SCLT1: variants seen among roughly 807,000 people sequenced by gnomAD.
SCLT1 encodes sodium channel and clathrin linker 1.
Under a neutral mutation model 112.8 loss-of-function variants are expected in SCLT1, and 78 were observed. That is an observed-to-expected ratio of 0.69 (90% confidence interval 0.58 to 0.83). The LOEUF (loss-of-function observed/expected upper bound fraction) is 0.83, where lower values mean the gene tolerates loss of function less well. Among genes scored for constraint, SCLT1 ranks in the 40% least tolerant of loss-of-function variants. SCLT1 has a pLI of 0.00. For synonymous variants in SCLT1, 257 were observed against 254.7 expected (o/e 1.01, Z -0.09); for missense variants, 747 against 770.4 (o/e 0.97, Z 0.36).
At chr4:128,959,406 A>C (rs1195752031) in intron 12 of SCLT1, among the ~76,000 whole-genome samples, 194 bp downstream of exon 12, 2 of 152,118 alleles carry the variant, frequency 1.3e-5, no homozygotes, top group Non-Finnish European at 2.9e-5. Context: ...ACATTATTTT[A>C]GAAAAGAATT....
At chr4:128,876,314 C>T (rs1400547943) in intron 4 of SCLT1, among the ~76,000 whole-genome samples, 1 of 152,084 alleles carries the variant, frequency 6.6e-6, no homozygotes, top group Non-Finnish European at 1.5e-5. Flanking sequence ...GAGTAAGACC[C>T]CTGAGAGAAA....
rs917745843 is a variant in SCLT1 at position 128,934,296 on chromosome 4, C to G, written c.1829+2359G>C. ...TTATATACATACATGTATATAAACA[C>G]ACACAGGCACATGCACTCCTCACTC... is the stretch of plus-strand genomic sequence containing the variant. On this transcript the variant is annotated intron_variant, in intron 18 of 20. Transcript: ENST00000281142. 1.3e-5 allele frequency among the ~76,000 whole-genome samples: 2 copies of G among 151,660 alleles called. 1 individual carries two copies. The highest frequency in any genetic ancestry group is 3.0e-5 in the Non-Finnish European group (2 of 67,778).
At chr4:128,908,394 AG>A (rs67648966) in intron 18 of SCLT1, among the ~76,000 whole-genome samples, 2,360 of 149,828 alleles carry the variant, frequency 0.016, 56 homozygotes, top group African/African-American at 0.049. Context: ...AAAAAAAAAA[AG>A]AAAGAAAAAA....
chr4:128,921,908 T>C (rs1171265356), intron 18 of SCLT1, among the ~76,000 whole-genome samples: 1 of 151,868 alleles, frequency 6.6e-6, no homozygotes, highest in Non-Finnish European at 1.5e-5. Context: ...GCTATAAAAG[T>C]CTAATATCCA....
chr4:128,989,740 T>G (rs1254809089), intron 9 of SCLT1, among the ~76,000 whole-genome samples: 2 of 150,140 alleles, frequency 1.3e-5, no homozygotes, highest in South Asian at 2.1e-4. Context: ...TACAGAAGAC[T>G]CAGGTAAATA....
chr4:128,913,420 TG>T (rs1452405839), intron 18 of SCLT1, among the ~76,000 whole-genome samples: 1 of 152,122 alleles, frequency 6.6e-6, no homozygotes, highest in Non-Finnish European at 1.5e-5. Context: ...AAAGGGATGA[TG>T]GGGGAGGAGT....
At chr4:129,048,210 G>A (rs537336760) in intron 2 of SCLT1, among the ~76,000 whole-genome samples, 23 of 152,142 alleles carry the variant, frequency 1.5e-4, no homozygotes, top group Middle Eastern at 3.4e-3. Flanking sequence ...GAGGCATCAC[G>A]CTACCTGACT....
chr4:129,026,001 T>A (rs1429568147), intron 5 of SCLT1, among the ~76,000 whole-genome samples: 1 of 152,168 alleles, frequency 6.6e-6, no homozygotes, highest in African/African-American at 2.4e-5. Flanking sequence ...AAGAGCTAAC[T>A]ATCCTAAATA....
chr4:128,908,937 A>T (rs764014500), intron 18 of SCLT1, among the ~76,000 whole-genome samples: 29 of 152,176 alleles, frequency 1.9e-4, no homozygotes, highest in Middle Eastern at 3.2e-3. Flanking sequence ...TGTTTTGTTT[A>T]GTCCCTAAGA....
At chr4:129,013,569 G>T (rs1023534157) in intron 5 of SCLT1, among the ~76,000 whole-genome samples, 1 of 152,100 alleles carries the variant, frequency 6.6e-6, no homozygotes, top group Non-Finnish European at 1.5e-5. Context: ...CGCTTATGAA[G>T]TTTGGTTTGG....
intron 9 of SCLT1, among the ~76,000 whole-genome samples, chr4:128,979,881 G>A (rs1741497466): frequency 6.6e-6 from 1 of 152,116 alleles, no homozygotes. Context: ...CTGTGGCTAA[G>A]GTTCCACTCT....
chr4:129,052,173 G>A (rs1748861800), intron 2 of SCLT1, among the ~76,000 whole-genome samples: 1 of 152,140 alleles, frequency 6.6e-6, no homozygotes, highest in Admixed American at 6.5e-5. Flanking sequence ...AGGGATAATG[G>A]ACTGAAATTT....
intron 5 of SCLT1, among the ~76,000 whole-genome samples, chr4:129,006,506 C>T (rs1230653711): frequency 1.3e-5 from 2 of 148,634 alleles, no homozygotes; most frequent in Non-Finnish European, 3.0e-5. Context: ...CCACTGTACT[C>T]CAGCCTGGGC....
intron 2 of SCLT1, among the ~76,000 whole-genome samples, chr4:129,074,092 ATT>A (rs576324024): frequency 7.4e-4 from 113 of 152,228 alleles, no homozygotes; most frequent in African/African-American, 2.6e-3. Context: ...TAATACACAC[ATT>A]TGTTTTTAAT....
rs1316662813 is a variant in SCLT1 at position 129,044,185 on chromosome 4, AAAT to A, written c.103-137_103-135del. 17 of 515,258 alleles carry A rather than the reference AAAT, an allele frequency of 3.3e-5. No individual in the cohort carries two copies. The East Asian group carries it at 3.9e-4, about 12-fold the overall frequency. The allele number at this position is 515,258 out of a possible 1,614,324, so 31.9% of individuals were successfully genotyped here. A position where few individuals can be genotyped will look rare whatever the true frequency, so the allele number is the denominator to read the frequency against. ...TTATGTAATTCAAAATGAGAGAAAA[AAAT>A]AATAATCTCAATTTATACTGAAATG... On this transcript the variant is annotated intron_variant, in intron 2 of 20. Coordinates refer to ENST00000281142, the MANE Select transcript of SCLT1 (RefSeq NM_144643.4).
At chr4:128,985,282 A>AT (rs1741988322) in intron 9 of SCLT1, among the ~76,000 whole-genome samples, 1 of 152,142 alleles carries the variant, frequency 6.6e-6, no homozygotes, top group East Asian at 1.9e-4. Flanking sequence ...CAGATATATA[A>AT]TTTTTACTAC....
rs574365373 is a variant in SCLT1, at chr4:129,088,824, T to C, written c.34+4246A>G. Among the ~76,000 whole-genome samples the C allele has an allele frequency of 2.5e-3, 380 of 152,230 alleles. 1 individual carries two copies. The highest frequency in any genetic ancestry group is 8.8e-3 in the African/African-American group (366 of 41,540). On this transcript the variant is annotated intron_variant, in intron 1 of 20. Coordinates refer to ENST00000281142, the MANE Select transcript of SCLT1 (RefSeq NM_144643.4). Reference sequence around the variant, plus strand: ...TATGCAGAAAACTGAAACTGGACCCTTTCCTTACACCTCATACAAAAATCA... The same window carrying C: ...TATGCAGAAAACTGAAACTGGACCCCTTCCTTACACCTCATACAAAAATCA...
chr4:129,083,591 A>T (rs1419366119), intron 1 of SCLT1, among the ~76,000 whole-genome samples: 7 of 152,072 alleles, frequency 4.6e-5, no homozygotes. Context: ...TAGGAGTTTG[A>T]GGCTACTTTG....
chr4:129,058,355 T>G (rs1004328469), intron 2 of SCLT1, among the ~76,000 whole-genome samples: 1 of 152,182 alleles, frequency 6.6e-6, no homozygotes, highest in Non-Finnish European at 1.5e-5. Flanking sequence ...ATGTAGGCAT[T>G]TATTGTTATA....
Sources: allele counts gnomAD v4.1 joint callset (sites outside exome capture counted in the v4.1 genomes callset), GRCh38; gene constraint gnomAD v4.1.1; transcripts MANE v1.5; gene names NCBI Gene and HGNC (gene_info 2026-07-23, HGNC 2026-07-21).